Variants in PRELID2 observed in about 807,000 individuals in gnomAD.
PRELID2 encodes the protein PRELI domain-containing protein 2.
A neutral mutation model predicts 28.4 loss-of-function variants in PRELID2; 25 were observed. That is an observed-to-expected ratio of 0.88 (90% CI 0.64 to 1.23). The LOEUF is 1.23. Ranked by LOEUF, PRELID2 falls within the 50% of genes most tolerant of loss-of-function variation. The pLI, the probability that PRELID2 is intolerant of heterozygous loss-of-function variation, is 0.00. For synonymous variants in PRELID2, 76 were observed against 71.6 expected (o/e 1.06, Z -0.31); for missense variants, 201 against 214.4 (o/e 0.94, Z 0.39).
the PRELID2 span, among the ~76,000 whole-genome samples, chr5:145,269,867 CATATATATGTAT>C: frequency 6.9e-6 from 1 of 144,728 alleles, no homozygotes; most frequent in Admixed American, 6.8e-5. Flanking sequence ...TATATATATA[CATATATATGTAT>C]ATATATATGT....
intron 1 of PRELID2, among the ~76,000 whole-genome samples, chr5:145,681,345 CA>C (rs1754932659): frequency 6.6e-6 from 1 of 152,136 alleles, no homozygotes; most frequent in Non-Finnish European, 1.5e-5. Flanking sequence ...ATCTTGGCTA[CA>C]TGATATGGTT....
intron 1 of PRELID2, among the ~76,000 whole-genome samples, chr5:145,564,934 G>A (rs995321978): frequency 1.3e-5 from 2 of 152,122 alleles, no homozygotes; most frequent in Non-Finnish European, 2.9e-5. Context: ...GCGCTTCCCG[G>A]ATGAAGTGAC....
chr5:145,280,305 G>C, the PRELID2 span, among the ~76,000 whole-genome samples: 1 of 152,122 alleles, frequency 6.6e-6, no homozygotes, highest in Non-Finnish European at 1.5e-5. Context: ...TGGGCTAGAA[G>C]ATAAATGTGA....
the PRELID2 span, among the ~76,000 whole-genome samples, chr5:145,304,579 C>T: frequency 6.6e-6 from 1 of 152,022 alleles, no homozygotes; most frequent in African/African-American, 2.4e-5. Context: ...TTAATTTGCT[C>T]AATGTCATAC....
chr5:145,276,985 G>C, the PRELID2 span, among the ~76,000 whole-genome samples: 1 of 152,080 alleles, frequency 6.6e-6, no homozygotes, highest in African/African-American at 2.4e-5. Flanking sequence ...ATGAAGTCCA[G>C]GTCTCCTAGA....
chr5:145,490,094 A>T (rs1167136456), intron 1 of PRELID2, among the ~76,000 whole-genome samples: 1 of 152,216 alleles, frequency 6.6e-6, no homozygotes, highest in Non-Finnish European at 1.5e-5. Context: ...AATAAAATCA[A>T]CTGAGCTATC....
chr5:145,656,181 G>A (rs566734980), intron 1 of PRELID2, among the ~76,000 whole-genome samples: 5 of 152,300 alleles, frequency 3.3e-5, no homozygotes, highest in African/African-American at 1.2e-4. Flanking sequence ...TCAGAGAAAT[G>A]CACATCAAAA....
intron 1 of PRELID2, among the ~76,000 whole-genome samples, chr5:145,566,182 A>G (rs914838390): frequency 2.6e-5 from 4 of 152,260 alleles, no homozygotes; most frequent in African/African-American, 4.8e-5. Flanking sequence ...CTGTATCTCT[A>G]TGATGCCTGG....
rs535225865 is a variant in PRELID2, at chr5:145,520,278, T to C, written n.71-46963A>G. 2.0e-5 allele frequency among the ~76,000 whole-genome samples: 3 copies of C among 152,360 alleles called. No homozygotes were observed. The South Asian group carries it at 6.2e-4, about 32-fold the overall frequency. The stretch of plus-strand genomic sequence containing the variant: ...GTGACTTCAATAGCAGCCATTCCTG[T>C]GTCTTCTGAACTGGTGGTAAAGGCA... On this transcript the variant is annotated intron_variant and non_coding_transcript_variant, in intron 1 of 2. Transcript: ENST00000510259.
the PRELID2 span, among the ~76,000 whole-genome samples, chr5:145,366,345 G>A: frequency 5.3e-5 from 8 of 151,782 alleles, no homozygotes; most frequent in Admixed American, 4.0e-4. Flanking sequence ...AAAAAGGGCC[G>A]ATTATTTCCC....
chr5:145,446,059 T>C, the PRELID2 span, among the ~76,000 whole-genome samples: 1 of 152,068 alleles, frequency 6.6e-6, no homozygotes, highest in Admixed American at 6.6e-5. Flanking sequence ...TCTGACATTC[T>C]CTGTCAAAGT....
chr5:145,315,194 C>T, the PRELID2 span, among the ~76,000 whole-genome samples: 3 of 151,370 alleles, frequency 2.0e-5, no homozygotes, highest in Non-Finnish European at 4.4e-5. Context: ...CTCAGCCTCC[C>T]GAGTAGCTGG....
At chr5:145,486,674 C>T (rs1752221426) in intron 1 of PRELID2, among the ~76,000 whole-genome samples, 1 of 152,110 alleles carries the variant, frequency 6.6e-6, no homozygotes, top group African/African-American at 2.4e-5. Flanking sequence ...GATTGAAAAG[C>T]AAAGAAAATC....
chr5:145,380,314 A>G, the PRELID2 span, among the ~76,000 whole-genome samples: 1 of 152,130 alleles, frequency 6.6e-6, no homozygotes, highest in Non-Finnish European at 1.5e-5. Context: ...CTCCCCCTTC[A>G]GCCCAGCTTT....
At chr5:145,638,372 C>T (rs1245074362) in intron 1 of PRELID2, among the ~76,000 whole-genome samples, 1 of 152,114 alleles carries the variant, frequency 6.6e-6, no homozygotes, top group Non-Finnish European at 1.5e-5. Flanking sequence ...ATCCTGACAA[C>T]ATGGCCTCCT....
chr5:145,808,628 GA>G (rs1753711991), intron 4 of PRELID2, among the ~76,000 whole-genome samples: 6 of 152,106 alleles, frequency 3.9e-5, no homozygotes, highest in Admixed American at 3.9e-4. Flanking sequence ...CTCACGCCAG[GA>G]ATCCCAGCAC....
the PRELID2 span, among the ~76,000 whole-genome samples, chr5:145,355,008 G>A: frequency 6.6e-6 from 1 of 152,074 alleles, no homozygotes; most frequent in Non-Finnish European, 1.5e-5. Flanking sequence ...TCGTTCAGTG[G>A]CTAGAACCAC....
intron 1 of PRELID2, among the ~76,000 whole-genome samples, chr5:145,538,773 G>C (rs1240276724): frequency 1.3e-5 from 2 of 151,920 alleles, no homozygotes; most frequent in Non-Finnish European, 2.9e-5. Context: ...CAAAGACAGA[G>C]GAGTGCTTCA....
the PRELID2 span, among the ~76,000 whole-genome samples, chr5:145,424,285 C>T: frequency 6.6e-6 from 1 of 152,216 alleles, no homozygotes; most frequent in Admixed American, 6.5e-5. Flanking sequence ...TTCCCGGCTG[C>T]TTTGTTTACC....
Sources: gnomAD v4.1 joint callset for allele counts (sites outside exome capture counted in the v4.1 genomes callset) on GRCh38, gnomAD v4.1.1 for gene constraint, MANE v1.5 for transcripts, NCBI Gene and HGNC (gene_info 2026-07-23, HGNC 2026-07-21) for gene names.